Variants in NKAIN2 observed in about 807,000 individuals in gnomAD.
The protein encoded by NKAIN2 is sodium/potassium transporting ATPase interacting 2.
Under a neutral mutation model 32.6 loss-of-function variants are expected in NKAIN2, and 14 were observed. The observed-to-expected ratio is 0.43, with a 90% CI of 0.28 to 0.67. The LOEUF is 0.67. Among genes scored for constraint, NKAIN2 ranks in the 30% least tolerant of loss-of-function variants. The pLI is 0.17. For missense variants in NKAIN2, 198 were observed against 258.3 expected (o/e 0.77, Z 1.60); for synonymous variants, 80 against 87.2 (o/e 0.92, Z 0.46).
chr6:124,523,653 C>A (rs763837391), intron 3 of NKAIN2, among the ~76,000 whole-genome samples: 2 of 151,954 alleles, frequency 1.3e-5, no homozygotes, highest in East Asian at 3.9e-4. Flanking sequence ...GGGAGACTAC[C>A]AAAGGGATAT....
chr6:124,771,213 G>C (rs926762807), intron 4 of NKAIN2, among the ~76,000 whole-genome samples: 1 of 152,128 alleles, frequency 6.6e-6, no homozygotes, highest in African/African-American at 2.4e-5. Context: ...AGAACAAAAA[G>C]TGTTGTGGAT....
intron 4 of NKAIN2, among the ~76,000 whole-genome samples, chr6:124,739,699 A>G (rs1301946462): frequency 2.0e-5 from 3 of 151,924 alleles, no homozygotes; most frequent in South Asian, 4.1e-4. Context: ...AGCTTACACA[A>G]TTTTCAACAG....
chr6:124,438,000 A>C (rs622026), intron 3 of NKAIN2: 95,958 of 385,032 alleles, frequency 0.25, 13,098 homozygotes, highest in African/African-American at 0.43. Flanking sequence ...AGGCATGTGG[A>C]TATAGCAAGA....
intron 2 of NKAIN2, among the ~76,000 whole-genome samples, chr6:124,293,142 A>G (rs1161197203): frequency 2.0e-5 from 3 of 152,116 alleles, no homozygotes. Flanking sequence ...ACTATATTTA[A>G]GTAGTTTCCT....
At chr6:124,152,801 T>G (rs1045137661) in intron 1 of NKAIN2, among the ~76,000 whole-genome samples, 1 of 151,934 alleles carries the variant, frequency 6.6e-6, no homozygotes, top group Non-Finnish European at 1.5e-5. Flanking sequence ...TTGGCATATA[T>G]GCACAATAAA....
intron 3 of NKAIN2, among the ~76,000 whole-genome samples, chr6:124,511,311 G>T (rs578136083): frequency 6.6e-6 from 1 of 152,140 alleles, no homozygotes; most frequent in Non-Finnish European, 1.5e-5. Flanking sequence ...ATGTAAGCCT[G>T]ATAAAAACAT....
rs1005596486 is a variant in NKAIN2, at chr6:124,232,633, C to G, written c.55-50372C>G. 5.2e-4 allele frequency among the ~76,000 whole-genome samples: 79 copies of G among 152,174 alleles called. 1 individual carries two copies. Among genetic ancestry groups the G allele is most frequent in the African/African-American group, 1.9e-3 (77 of 41,450 alleles). On this transcript the variant is annotated intron_variant, in intron 1 of 6. Transcript: ENST00000368417. ...TAAGTCTGTCTCTATGTTATCCCCC[C>G]ACTTTCCTGATTGAATCTGTGTATT...
chr6:124,078,130 T>C (rs1179277109), intron 1 of NKAIN2, among the ~76,000 whole-genome samples: 1 of 152,178 alleles, frequency 6.6e-6, no homozygotes, highest in Non-Finnish European at 1.5e-5. Context: ...GCATGGAACT[T>C]TCTAAAATGG....
intron 3 of NKAIN2, among the ~76,000 whole-genome samples, chr6:124,601,788 T>G (rs772797800): frequency 4.6e-5 from 7 of 151,972 alleles, no homozygotes; most frequent in African/African-American, 2.4e-5. Flanking sequence ...ATTCCTGGGT[T>G]GTAGAATTTA....
intron 1 of NKAIN2, among the ~76,000 whole-genome samples, chr6:123,832,969 C>T (rs970323370): frequency 6.6e-6 from 1 of 152,086 alleles, no homozygotes; most frequent in Non-Finnish European, 1.5e-5. Context: ...TGAAGTCTAC[C>T]TTATCGATTT....
At chr6:124,721,059 T>C (rs1775991875) in intron 4 of NKAIN2, among the ~76,000 whole-genome samples, 1 of 152,176 alleles carries the variant, frequency 6.6e-6, no homozygotes, top group Non-Finnish European at 1.5e-5. Context: ...CAACAAAGCA[T>C]TCAGAGCTAG....
chr6:124,646,271 A>G (rs571640535), intron 3 of NKAIN2, among the ~76,000 whole-genome samples: 41 of 152,310 alleles, frequency 2.7e-4, no homozygotes, highest in African/African-American at 7.7e-4. Flanking sequence ...TTAGAGAATA[A>G]TTAGCTCTTG....
At chr6:124,305,661 G>A (rs912377484) in intron 2 of NKAIN2, among the ~76,000 whole-genome samples, 4 of 152,170 alleles carry the variant, frequency 2.6e-5, no homozygotes, top group East Asian at 1.9e-4. Flanking sequence ...AGCCACAGTC[G>A]TGGCAAAAGG....
chr6:124,384,064 A>G (rs1235153101), intron 3 of NKAIN2, among the ~76,000 whole-genome samples: 1 of 152,182 alleles, frequency 6.6e-6, no homozygotes, highest in Non-Finnish European at 1.5e-5. Context: ...TATCAGTATT[A>G]GCCATTCTCT....
At chr6:123,938,855 C>T (rs1228151324) in intron 1 of NKAIN2, among the ~76,000 whole-genome samples, 4 of 151,596 alleles carry the variant, frequency 2.6e-5, no homozygotes, top group African/African-American at 9.7e-5. Context: ...ATGCAGAACT[C>T]ATCCATATGG....
chr6:124,079,876 G>A (rs1189508108), intron 1 of NKAIN2, among the ~76,000 whole-genome samples: 1 of 151,724 alleles, frequency 6.6e-6, no homozygotes. Context: ...GCGAACAAAG[G>A]TAAAGTTAAA....
At position 124,791,405 on chromosome 6, in the gene NKAIN2, T is replaced by C; in HGVS notation, c.535+6T>C. ...AACTGAAGAAGAGGACAGCTGTAAG[T>C]ATTAAAGCTCTATTCTGTTTCTTTC... On this transcript the variant is annotated splice_donor_region_variant and intron_variant, in intron 5 of 6. Coordinates refer to ENST00000368417, the MANE Select transcript of NKAIN2 (RefSeq NM_001040214.3). 1 of 1,585,404 alleles carries C rather than the reference T, an allele frequency of 6.3e-7. No homozygotes were observed. Among genetic ancestry groups the C allele is most frequent in the Non-Finnish European group, 8.7e-7 (1 of 1,155,604 alleles).
chr6:123,895,991 C>T (rs1259979455), intron 1 of NKAIN2, among the ~76,000 whole-genome samples: 1 of 152,188 alleles, frequency 6.6e-6, no homozygotes, highest in Non-Finnish European at 1.5e-5. Context: ...CAAAATTAGG[C>T]AAGTCAACTG....
intron 1 of NKAIN2, among the ~76,000 whole-genome samples, chr6:123,901,450 A>G (rs1774582650): frequency 6.6e-6 from 1 of 152,202 alleles, no homozygotes; most frequent in Non-Finnish European, 1.5e-5. Flanking sequence ...CATAAATTCC[A>G]GAATAAGTGA....
Sources: gnomAD v4.1 joint callset for allele counts (sites outside exome capture counted in the v4.1 genomes callset) on GRCh38, gnomAD v4.1.1 for gene constraint, MANE v1.5 for transcripts, NCBI Gene and HGNC (gene_info 2026-07-23, HGNC 2026-07-21) for gene names.